Variants in SATB2 observed in about 807,000 individuals in gnomAD.
SATB2 encodes SATB homeobox 2.
A neutral mutation model predicts 73.4 loss-of-function variants in SATB2; 1 was observed. The ratio of observed to expected loss-of-function variants is 0.01; its 90% confidence interval spans 0.00 to 0.06. SATB2 has a LOEUF of 0.06. Ranked by LOEUF, SATB2 falls within the 10% of genes least tolerant of loss-of-function variation. The pLI, the probability that SATB2 is intolerant of heterozygous loss-of-function variation, is 1.00. For synonymous variants in SATB2, 397 were observed against 367.0 expected (o/e 1.08, Z -0.93); for missense variants, 459 against 945.8 (o/e 0.49, Z 6.75).
At chr2:199,363,367 G>A (rs1209991607) in intron 6 of SATB2, among the ~76,000 whole-genome samples, 4 of 152,180 alleles carry the variant, frequency 2.6e-5, no homozygotes, top group African/African-American at 7.2e-5. Flanking sequence ...ACTGGAGAAC[G>A]TTGTGCTAAG....
chr2:199,452,348 C>T (rs1692148377), intron 2 of SATB2, among the ~76,000 whole-genome samples: 1 of 152,148 alleles, frequency 6.6e-6, no homozygotes, highest in South Asian at 2.1e-4. Context: ...CACCTTTCAG[C>T]AGTCCAGGAG....
chr2:199,458,907 T>C (rs539694739), upstream of SATB2, among the ~76,000 whole-genome samples: 174 of 151,976 alleles, frequency 1.1e-3, 3 homozygotes, highest in Non-Finnish European at 9.0e-4. Flanking sequence ...CCTTCAAAGC[T>C]GGCACGGCCG....
chr2:199,409,167 C>CTTTTTTTTT (rs67330007), intron 3 of SATB2, among the ~76,000 whole-genome samples: 3 of 115,242 alleles, frequency 2.6e-5, no homozygotes, highest in Non-Finnish European at 3.6e-5. Context: ...TTTTTCTTTT[C>CTTTTTTTTT]TTTTTTTTTT....
At chr2:199,414,425 C>G (rs1193785853) in intron 3 of SATB2, among the ~76,000 whole-genome samples, 1 of 152,220 alleles carries the variant, frequency 6.6e-6, no homozygotes, top group Non-Finnish European at 1.5e-5. Flanking sequence ...CCATCCACCC[C>G]CCACCAGGGC....
At chr2:199,444,354 A>G (rs1421656601) in intron 2 of SATB2, among the ~76,000 whole-genome samples, 2 of 152,160 alleles carry the variant, frequency 1.3e-5, no homozygotes, top group African/African-American at 4.8e-5. Flanking sequence ...AAAGTGAGAA[A>G]TCTTTTACCC....
At chr2:199,418,827 A>T (rs1244524325) in intron 3 of SATB2, among the ~76,000 whole-genome samples, 2 of 152,174 alleles carry the variant, frequency 1.3e-5, no homozygotes, top group Non-Finnish European at 2.9e-5. Flanking sequence ...AGAGACTATG[A>T]TCTGCTGTAC....
intron 8 of SATB2, 150 bp downstream of exon 8, chr2:199,328,548 T>A (rs920617430): frequency 7.6e-5 from 45 of 591,530 alleles, no homozygotes; most frequent in Non-Finnish European, 1.1e-4. Flanking sequence ...CTCAAAAAAA[T>A]TAAAATAAAA....
intron 7 of SATB2, among the ~76,000 whole-genome samples, chr2:199,329,704 A>G (rs1484896904): frequency 6.6e-6 from 1 of 152,138 alleles, no homozygotes; most frequent in Non-Finnish European, 1.5e-5. Context: ...ACCCAAATAG[A>G]AAGATTTAAA....
intron 3 of SATB2, among the ~76,000 whole-genome samples, chr2:199,402,508 G>C (rs139453386): frequency 6.9e-4 from 105 of 152,288 alleles, no homozygotes; most frequent in African/African-American, 2.3e-3. Flanking sequence ...AGTGAGCTGA[G>C]ATCGAGATCG....
rs1376784925 is a variant in SATB2 at position 199,464,130 on chromosome 2, C to T, written c.-141+706G>A. Among the ~76,000 whole-genome samples, 1 of 152,190 alleles carries T rather than the reference C, an allele frequency of 6.6e-6. No individual in the cohort carries two copies. The highest frequency in any genetic ancestry group is 2.4e-5 in the African/African-American group (1 of 41,456). ...CGAGCTGGCGCCTCGCCTGTTTTCT[C>T]GGTATCACGAATCCCCTCGGACACC... On this transcript the variant is annotated intron_variant, in intron 1 of 11. Transcript: ENST00000260926. This position sits in a 1 kb window ranked among gnomAD's most constrained non-coding sequence, Gnocchi z 6.6.
intron 3 of SATB2, chr2:199,423,792 G>A (rs1434458897): frequency 6.6e-6 from 1 of 152,174 alleles, no homozygotes; most frequent in Admixed American, 6.5e-5. Flanking sequence ...CAGCTCCCAT[G>A]ATGGTAGGCT....
At chr2:199,456,299 G>C (rs1455508693) in intron 1 of SATB2, among the ~76,000 whole-genome samples, 3 of 152,324 alleles carry the variant, frequency 2.0e-5, no homozygotes, top group Non-Finnish European at 4.4e-5. Flanking sequence ...GCCTCGGTTC[G>C]GCGACTCTGC....
intron 3 of SATB2, among the ~76,000 whole-genome samples, chr2:199,411,974 G>A (rs949733226): frequency 3.9e-5 from 6 of 152,138 alleles, no homozygotes; most frequent in Non-Finnish European, 8.8e-5. Flanking sequence ...TTCAGAAAAC[G>A]CCTAAGGACA....
upstream of SATB2, among the ~76,000 whole-genome samples, chr2:199,465,785 G>T (rs1692582199): frequency 6.6e-6 from 1 of 152,188 alleles, no homozygotes; most frequent in African/African-American, 2.4e-5. Flanking sequence ...GAAAAGTGTT[G>T]TGCTAAAATT....
intron 3 of SATB2, among the ~76,000 whole-genome samples, chr2:199,383,167 C>A (rs1282954545): frequency 6.6e-6 from 1 of 152,154 alleles, no homozygotes; most frequent in Non-Finnish European, 1.5e-5. Flanking sequence ...TAAATAGTGC[C>A]TGGACTCAGA....
chr2:199,289,291 G>A (rs1440904393), intron 10 of SATB2, among the ~76,000 whole-genome samples: 1 of 152,176 alleles, frequency 6.6e-6, no homozygotes, highest in Non-Finnish European at 1.5e-5. Flanking sequence ...CTCTTGTTTA[G>A]ATCAAGGCTT....
intron 7 of SATB2, among the ~76,000 whole-genome samples, chr2:199,338,648 T>C (rs552890549): frequency 2.9e-4 from 44 of 152,258 alleles, no homozygotes; most frequent in African/African-American, 1.1e-3. Flanking sequence ...CTGGGAGTGA[T>C]GGCTCACGCC....
chr2:199,414,010 T>C (rs941877361), intron 3 of SATB2, among the ~76,000 whole-genome samples: 6 of 152,198 alleles, frequency 3.9e-5, no homozygotes, highest in African/African-American at 1.2e-4. Flanking sequence ...ATTCCTAACA[T>C]GTCACTCCAC....
intron 9 of SATB2, among the ~76,000 whole-genome samples, chr2:199,317,354 C>T (rs141538015): frequency 1.3e-5 from 2 of 152,168 alleles, no homozygotes; most frequent in Non-Finnish European, 2.9e-5. Flanking sequence ...CACAGTTTAA[C>T]TCGATGTCCT....
Sources: allele counts gnomAD v4.1 joint callset (sites outside exome capture counted in the v4.1 genomes callset), GRCh38; gene constraint gnomAD v4.1.1; non-coding constraint Gnocchi (gnomAD v3.1); transcripts MANE v1.5; gene names NCBI Gene and HGNC (gene_info 2026-07-23, HGNC 2026-07-21).